Variants in RMDN2 observed in about 807,000 individuals in gnomAD.
The protein encoded by RMDN2 is regulator of microtubule dynamics 2.
A neutral mutation model predicts 52.8 loss-of-function variants in RMDN2; 61 were observed. That is an observed-to-expected ratio of 1.16 (90% CI 0.94 to 1.43). The LOEUF is 1.43. Among genes scored for constraint, RMDN2 ranks in the 40% most tolerant of loss-of-function variants. The pLI is 0.00. For synonymous variants in RMDN2, 180 were observed against 153.1 expected, an observed-to-expected ratio of 1.18 and a Z score of -1.30; for missense variants, 592 against 475.3, an observed-to-expected ratio of 1.25 and a Z score of -2.28.
intron 2 of RMDN2, among the ~76,000 whole-genome samples, chr2:37,968,367 A>C (rs771951423): frequency 7.1e-6 from 1 of 141,202 alleles, no homozygotes; most frequent in African/African-American, 2.6e-5. Context: ...TTGAACCCGG[A>C]GGCGTAGGCA....
At chr2:37,938,043 T>C (rs1667458463) in intron 2 of RMDN2, among the ~76,000 whole-genome samples, 1 of 152,238 alleles carries the variant, frequency 6.6e-6, no homozygotes, top group Non-Finnish European at 1.5e-5. Context: ...AAATAGCTTT[T>C]ATTATTTTCA....
intron 10 of RMDN2, among the ~76,000 whole-genome samples, chr2:38,026,006 A>T (rs564502327): frequency 6.6e-6 from 1 of 152,094 alleles, no homozygotes; most frequent in Admixed American, 6.5e-5. Context: ...TTCCTTAAAA[A>T]CTATGTAGAA....
At chr2:38,041,465 A>T (rs1256265154) in intron 10 of RMDN2, among the ~76,000 whole-genome samples, 5 of 128,496 alleles carry the variant, frequency 3.9e-5, no homozygotes, top group South Asian at 2.4e-4. Flanking sequence ...ACTAAGCAGG[A>T]CTTCCAATAT....
intron 2 of RMDN2, among the ~76,000 whole-genome samples, chr2:37,948,563 G>C (rs1181707764): frequency 6.6e-6 from 1 of 152,120 alleles, no homozygotes; most frequent in Admixed American, 6.6e-5. Context: ...GTCATTATAA[G>C]GGGTTACTAT....
Position 37,989,569 on chromosome 2 carries a change from G to A in RMDN2, c.820G>A (p.Glu274Lys). The change falls in exon 6 of 11, where the codon GAG becomes AAG. Residue 274 changes from glutamate (E) to lysine (K), a missense_variant. Transcript: ENST00000354545. ...WYAVLCGYVSEFEGLQNKINY... is the reference protein window; with the variant it reads ...WYAVLCGYVSKFEGLQNKINY... ...TGCAGTTTTGTGTGGCTATGTATCT[G>A]AGTTTGAGGGTTTACAAAACAAAAT... The A allele has an allele frequency of 1.2e-6, 2 of 1,611,228 alleles. No homozygotes were observed. Among genetic ancestry groups the A allele is most frequent in the Non-Finnish European group, 1.7e-6 (2 of 1,179,122 alleles).
At chr2:37,928,472 G>A (rs898781052) in intron 1 of RMDN2, among the ~76,000 whole-genome samples, 20 of 152,252 alleles carry the variant, frequency 1.3e-4, no homozygotes, top group Middle Eastern at 3.4e-3. Context: ...ACCTAATTCA[G>A]AATTTTCATC....
intron 2 of RMDN2, among the ~76,000 whole-genome samples, chr2:37,972,111 A>G: frequency 6.6e-6 from 1 of 152,166 alleles, no homozygotes; most frequent in East Asian, 1.9e-4. Flanking sequence ...CTCTGAGGTC[A>G]CTGCAAATTG....
At chr2:38,027,584 A>C (rs919694760) in intron 10 of RMDN2, among the ~76,000 whole-genome samples, 3 of 152,228 alleles carry the variant, frequency 2.0e-5, no homozygotes, top group African/African-American at 7.2e-5. Flanking sequence ...GCAAATTGAC[A>C]TACTTGTACT....
intron 10 of RMDN2, among the ~76,000 whole-genome samples, chr2:38,025,268 A>G (rs1380102571): frequency 6.6e-6 from 1 of 152,004 alleles, no homozygotes; most frequent in East Asian, 1.9e-4. Flanking sequence ...ATGCTCTTAT[A>G]TATTATATTT....
chr2:38,049,779 G>C (rs887779541), intron 10 of RMDN2, among the ~76,000 whole-genome samples: 1 of 152,118 alleles, frequency 6.6e-6, no homozygotes, highest in African/African-American at 2.4e-5. Flanking sequence ...TATGTTGCCA[G>C]ACTGGTCTCG....
At chr2:38,040,201 C>A (rs1486657743) in intron 10 of RMDN2, among the ~76,000 whole-genome samples, 2 of 151,958 alleles carry the variant, frequency 1.3e-5, no homozygotes, top group Non-Finnish European at 2.9e-5. Flanking sequence ...TATTTCTAAA[C>A]TTTCTTACCT....
rs180995413 is a variant in RMDN2 at position 37,941,453 on chromosome 2, T to C, written c.452+11724T>C. Among the ~76,000 whole-genome samples the C allele has an allele frequency of 8.5e-5, 13 of 152,368 alleles. No individual in the cohort carries two copies. The East Asian group carries it at 2.5e-3, about 29-fold the overall frequency. The stretch of plus-strand genomic sequence containing the variant: ...GGAGATCTGCTGCTCTCTTCAGAGC[T>C]GGCAGGCAGGAATATTTAAGTCTGC... On this transcript the variant is annotated intron_variant, in intron 2 of 10. Transcript: ENST00000354545.
intron 4 of RMDN2, among the ~76,000 whole-genome samples, chr2:37,980,632 T>A (rs1673183634): frequency 1.3e-5 from 2 of 152,136 alleles, no homozygotes; most frequent in Admixed American, 1.3e-4. Context: ...GGTTAAAAAT[T>A]CCTCTAAAAC....
chr2:37,925,155 G>A (rs1177957199), upstream of RMDN2, among the ~76,000 whole-genome samples: 5 of 152,282 alleles, frequency 3.3e-5, no homozygotes, highest in African/African-American at 1.2e-4. Flanking sequence ...CAGGCGCCCC[G>A]CGACGTGCAA....
intron 10 of RMDN2, among the ~76,000 whole-genome samples, chr2:38,052,734 A>G (rs939730416): frequency 1.8e-4 from 27 of 152,130 alleles, no homozygotes; most frequent in Non-Finnish European, 5.9e-5. Context: ...ATCACCAGCA[A>G]TTGGTGTTTT....
chr2:37,938,728 A>G (rs1667528062), intron 2 of RMDN2, among the ~76,000 whole-genome samples: 1 of 152,090 alleles, frequency 6.6e-6, no homozygotes. Context: ...TTTTTGTGGA[A>G]TCAGTGGTGA....
chr2:38,050,457 C>T (rs1044515207), intron 10 of RMDN2, among the ~76,000 whole-genome samples: 1 of 152,088 alleles, frequency 6.6e-6, no homozygotes, highest in African/African-American at 2.4e-5. Context: ...TGTCACTAGC[C>T]CATCATATTT....
At chr2:37,998,068 A>AAT (rs1234714909) in intron 8 of RMDN2, 2 of 152,860 alleles carry the variant, frequency 1.3e-5, no homozygotes, top group Admixed American at 1.3e-4. Context: ...TCTAAGCAGT[A>AAT]ATATATGTGT....
chr2:37,950,580 T>C (rs1170281488), intron 2 of RMDN2: 1 of 1,613,172 alleles, frequency 6.2e-7, no homozygotes, highest in East Asian at 2.2e-5. Flanking sequence ...AAATTTACAA[T>C]GGGAAAGTGC....
Sources: gnomAD v4.1 joint callset for allele counts (sites outside exome capture counted in the v4.1 genomes callset) on GRCh38, gnomAD v4.1.1 for gene constraint, MANE v1.5 for transcripts, NCBI Gene and HGNC (gene_info 2026-07-23, HGNC 2026-07-21) for gene names.